The following DOK6 variants were observed in gnomAD, a reference collection of about 807,000 sequenced individuals.
DOK6 encodes the protein downstream of tyrosine kinase 6.
DOK6 carries 22 observed loss-of-function variants against 44.0 expected under a neutral mutation model. That is an observed-to-expected ratio of 0.50 (90% CI 0.36 to 0.71). DOK6 has a LOEUF of 0.71. DOK6 is among the 30% of genes least tolerant of loss of function. DOK6 has a pLI of 0.00. For missense variants in DOK6, 340 were observed against 416.4 expected (o/e 0.82, Z 1.60); for synonymous variants, 166 against 145.5 (o/e 1.14, Z -1.01).
chr18:69,587,770 A>AACACACACACACACAC (rs138552349), intron 2 of DOK6, among the ~76,000 whole-genome samples: 3,125 of 149,120 alleles, frequency 0.021, 34 homozygotes, highest in Admixed American at 0.024. Flanking sequence ...TGTAAATTTA[A>AACACACACACACACAC]ACACACACAC....
intron 1 of DOK6, among the ~76,000 whole-genome samples, chr18:69,468,897 A>G (rs992748142): frequency 6.6e-6 from 1 of 152,244 alleles, no homozygotes; most frequent in African/African-American, 2.4e-5. Context: ...ATTTTTAAAA[A>G]TAAAAGCAAA....
intron 4 of DOK6, among the ~76,000 whole-genome samples, chr18:69,686,619 A>T (rs1402288106): frequency 6.6e-6 from 1 of 152,184 alleles, no homozygotes; most frequent in East Asian, 1.9e-4. Flanking sequence ...TGGAAACATC[A>T]AAATAGTATC....
chr18:69,726,671 G>GTA (rs1312601110), intron 5 of DOK6, among the ~76,000 whole-genome samples: 2 of 151,238 alleles, frequency 1.3e-5, no homozygotes, highest in African/African-American at 2.4e-5. Flanking sequence ...GTGTGTGTGT[G>GTA]TATATATACA....
chr18:69,490,476 G>A (rs1384740725), intron 1 of DOK6, among the ~76,000 whole-genome samples: 1 of 151,816 alleles, frequency 6.6e-6, no homozygotes, highest in Admixed American at 6.6e-5. Context: ...GTTAAGAAGG[G>A]GTTTTAATAA....
chr18:69,415,601 C>T (rs963145861), intron 1 of DOK6, among the ~76,000 whole-genome samples: 2 of 152,190 alleles, frequency 1.3e-5, no homozygotes, highest in South Asian at 4.2e-4. Flanking sequence ...AAGTCTGATA[C>T]AGTGAGTGCA....
At chr18:69,651,864 G>T (rs1985237898) in intron 3 of DOK6, among the ~76,000 whole-genome samples, 1 of 151,838 alleles carries the variant, frequency 6.6e-6, no homozygotes, top group Non-Finnish European at 1.5e-5. Flanking sequence ...GACCTCCATT[G>T]GTTAAATAAT....
At chr18:69,657,596 G>A (rs1985402432) in intron 3 of DOK6, among the ~76,000 whole-genome samples, 1 of 152,206 alleles carries the variant, frequency 6.6e-6, no homozygotes, top group African/African-American at 2.4e-5. Context: ...GAAAGTTGAT[G>A]TAATGAGATT....
chr18:69,758,086 T>C (rs1327575233), intron 7 of DOK6, among the ~76,000 whole-genome samples: 1 of 152,246 alleles, frequency 6.6e-6, no homozygotes, highest in Non-Finnish European at 1.5e-5. Flanking sequence ...CAAAAATTAC[T>C]GTGAGGGCTA....
At chr18:69,760,407 T>TC (rs1568118651) in intron 7 of DOK6, among the ~76,000 whole-genome samples, 3 of 151,826 alleles carry the variant, frequency 2.0e-5, no homozygotes, top group South Asian at 2.1e-4. Flanking sequence ...GATTTTTTTT[T>TC]CCCCCAGAGC....
intron 1 of DOK6, among the ~76,000 whole-genome samples, chr18:69,474,151 A>AG (rs1056044882): frequency 1.3e-4 from 20 of 151,884 alleles, no homozygotes; most frequent in Non-Finnish European, 1.9e-4. Context: ...GTCCTTGGTG[A>AG]GGGGGGGCCT....
At chr18:69,824,309 C>G (rs937363379) in intron 7 of DOK6, among the ~76,000 whole-genome samples, 2 of 146,044 alleles carry the variant, frequency 1.4e-5, no homozygotes. Flanking sequence ...GGTTTTTTGT[C>G]CTTGCGATAG....
chr18:69,524,969 G>T (rs1296898518), intron 1 of DOK6, among the ~76,000 whole-genome samples: 1 of 137,282 alleles, frequency 7.3e-6, no homozygotes, highest in Non-Finnish European at 1.7e-5. Flanking sequence ...GATATTAAAT[G>T]AAGATTTTCA....
At chr18:69,581,382 G>A (rs1214147696) in intron 2 of DOK6, among the ~76,000 whole-genome samples, 1 of 152,180 alleles carries the variant, frequency 6.6e-6, no homozygotes, top group Non-Finnish European at 1.5e-5. Flanking sequence ...CAAAACATAT[G>A]GACGTGCTTA....
intron 2 of DOK6, among the ~76,000 whole-genome samples, chr18:69,567,606 T>A (rs1034550535): frequency 1.3e-5 from 2 of 151,692 alleles, no homozygotes; most frequent in Admixed American, 6.6e-5. Flanking sequence ...AATGACAGGG[T>A]TTTAAGCCTG....
At chr18:69,625,991 G>A (rs1984549257) in intron 3 of DOK6, among the ~76,000 whole-genome samples, 1 of 152,148 alleles carries the variant, frequency 6.6e-6, no homozygotes, top group Non-Finnish European at 1.5e-5. Context: ...TCTGGACAAA[G>A]TAAAGATGAA....
At chr18:69,481,130 G>A (rs1227555864) in intron 1 of DOK6, among the ~76,000 whole-genome samples, 1 of 152,122 alleles carries the variant, frequency 6.6e-6, no homozygotes, top group African/African-American at 2.4e-5. Context: ...GACAGAAATG[G>A]CCAAGCCTTT....
At chr18:69,699,259 C>T (rs897798632) in intron 5 of DOK6, among the ~76,000 whole-genome samples, 7 of 152,034 alleles carry the variant, frequency 4.6e-5, no homozygotes, top group African/African-American at 1.2e-4. Context: ...TTAATGCTTC[C>T]ATCTTCACCC....
At chr18:69,653,352 GC>G (rs1439452127) in intron 3 of DOK6, among the ~76,000 whole-genome samples, 1 of 151,968 alleles carries the variant, frequency 6.6e-6, no homozygotes, top group Non-Finnish European at 1.5e-5. Flanking sequence ...TTCCGAGGCA[GC>G]CAGGACTTGG....
intron 1 of DOK6, among the ~76,000 whole-genome samples, chr18:69,524,646 TA>T (rs1178287481): frequency 6.6e-6 from 1 of 151,990 alleles, no homozygotes; most frequent in Non-Finnish European, 1.5e-5. Context: ...CTTTATTTTA[TA>T]AACAACTAAA....
Sources: allele counts gnomAD v4.1 joint callset (sites outside exome capture counted in the v4.1 genomes callset), GRCh38; gene constraint gnomAD v4.1.1; transcripts MANE v1.5; gene names NCBI Gene and HGNC (gene_info 2026-07-23, HGNC 2026-07-21).